The following INVS variants were observed in gnomAD, a reference collection of about 807,000 sequenced individuals.
The protein encoded by INVS is inversion of embryo turning homolog.
INVS carries 86 observed loss-of-function variants against 108.8 expected under a neutral mutation model. The observed-to-expected ratio is 0.79, with a 90% CI of 0.66 to 0.95. The LOEUF (loss-of-function observed/expected upper bound fraction) is 0.95, where lower values mean the gene tolerates loss of function less well. INVS is among the 40% of genes least tolerant of loss of function. INVS has a pLI of 0.00. For synonymous variants in INVS, 455 were observed against 473.5 expected, an observed-to-expected ratio of 0.96 and a Z score of 0.51; for missense variants, 1,169 against 1,297.4, an observed-to-expected ratio of 0.90 and a Z score of 1.52.
chr9:100,139,665 T>TA (rs1421351939), intron 3 of INVS, among the ~76,000 whole-genome samples: 1 of 152,058 alleles, frequency 6.6e-6, no homozygotes, highest in African/African-American at 2.4e-5. Flanking sequence ...TGGGGGGAGA[T>TA]AGAGTCTCAC....
chr9:100,183,093 G>T (rs1829945331), intron 3 of INVS, among the ~76,000 whole-genome samples: 1 of 152,106 alleles, frequency 6.6e-6, no homozygotes, highest in Non-Finnish European at 1.5e-5. Flanking sequence ...ATGGATACAG[G>T]GAGGGGAACA....
At chr9:100,178,528 G>T (rs1829784833) in intron 3 of INVS, among the ~76,000 whole-genome samples, 2 of 152,144 alleles carry the variant, frequency 1.3e-5, no homozygotes, top group African/African-American at 4.8e-5. Context: ...TCAAATCGAA[G>T]AAAGAATATC....
intron 1 of INVS, among the ~76,000 whole-genome samples, chr9:100,099,997 T>A (rs547328462): frequency 6.6e-6 from 1 of 152,318 alleles, no homozygotes; most frequent in South Asian, 2.1e-4. Context: ...CTCTGAGAAC[T>A]TCCCGAACAA....
chr9:100,243,871 C>T (rs1032925368), intron 7 of INVS, among the ~76,000 whole-genome samples: 1 of 151,910 alleles, frequency 6.6e-6, no homozygotes, highest in Non-Finnish European at 1.5e-5. Context: ...ATTAGCCGGG[C>T]GAAGTGGCTG....
At chr9:100,284,085 A>G (rs1319997879) in intron 12 of INVS, among the ~76,000 whole-genome samples, 1 of 152,164 alleles carries the variant, frequency 6.6e-6, no homozygotes, top group Non-Finnish European at 1.5e-5. Flanking sequence ...ATGTGTCTCA[A>G]CAGCACAAAG....
At chr9:100,120,126 C>T (rs2118874445) in intron 2 of INVS, among the ~76,000 whole-genome samples, 1 of 152,250 alleles carries the variant, frequency 6.6e-6, no homozygotes, top group African/African-American at 2.4e-5. Flanking sequence ...CATATGGGAG[C>T]CCTGTGTGGT....
chr9:100,100,786 T>TATTATA (rs1554712482), intron 1 of INVS, among the ~76,000 whole-genome samples: 1 of 4,324 alleles, frequency 2.3e-4, no homozygotes, highest in African/African-American at 2.4e-3. Flanking sequence ...ATAATATATA[T>TATTATA]TATATATATA....
At chr9:100,235,461 G>T (rs958423002) in intron 5 of INVS, among the ~76,000 whole-genome samples, 1 of 152,066 alleles carries the variant, frequency 6.6e-6, no homozygotes, top group African/African-American at 2.4e-5. Flanking sequence ...TCATAGTATG[G>T]TTGGTCTTTA....
chr9:100,100,682 T>TATATATATTATATATGTATATATA, intron 1 of INVS, among the ~76,000 whole-genome samples: 2 of 31,182 alleles, frequency 6.4e-5, no homozygotes, highest in Non-Finnish European at 9.5e-5. Context: ...GTACATATAA[T>TATATATATTATATATGTATATATA]ATATATATTA....
Position 100,284,510 on chromosome 9 carries a change from A to G in INVS, c.1975A>G (p.Arg659Gly), listed in dbSNP as rs1833374652. The G allele has an allele frequency of 3.1e-6, 5 of 1,613,996 alleles. No individual in the cohort carries two copies. The highest frequency in any genetic ancestry group is 1.3e-5 in the African/African-American group (1 of 74,938). Residue 659 changes from arginine to glycine, a missense_variant, in exon 13 of 17, where the codon AGA becomes GGA. Transcript: ENST00000262457. ...VAQGPEPRDS[R>G]GSPGGSLGGA... Reference sequence around the variant, plus strand: ...CCAAGGCCCTGAGCCAAGAGACAGCAGAGGATCTCCAGGAGGGTCTCTAGG... The same window carrying G: ...CCAAGGCCCTGAGCCAAGAGACAGCGGAGGATCTCCAGGAGGGTCTCTAGG...
intron 2 of INVS, among the ~76,000 whole-genome samples, chr9:100,109,383 CTAAAA>C (rs1827272304): frequency 6.6e-6 from 1 of 152,096 alleles, no homozygotes; most frequent in Non-Finnish European, 1.5e-5. Flanking sequence ...TCAGCTTAGA[CTAAAA>C]TAATCAAGTT....
chr9:100,125,137 C>CT (rs1827843871), intron 2 of INVS, among the ~76,000 whole-genome samples: 1 of 152,184 alleles, frequency 6.6e-6, no homozygotes, highest in Admixed American at 6.6e-5. Context: ...GAATTACTTC[C>CT]TCCAACTTTG....
intron 10 of INVS, among the ~76,000 whole-genome samples, chr9:100,254,637 C>G (rs1832354146): frequency 6.6e-6 from 1 of 152,146 alleles, no homozygotes; most frequent in Non-Finnish European, 1.5e-5. Flanking sequence ...CTACATGTGG[C>G]TAGCCAGTTT....
chr9:100,228,546 T>A (rs1831407708), intron 4 of INVS, among the ~76,000 whole-genome samples: 1 of 152,246 alleles, frequency 6.6e-6, no homozygotes, highest in Non-Finnish European at 1.5e-5. Flanking sequence ...GATAACCAGA[T>A]GTGCATTATC....
At chr9:100,235,019 A>G (rs1397292330) in intron 5 of INVS, among the ~76,000 whole-genome samples, 1 of 152,140 alleles carries the variant, frequency 6.6e-6, no homozygotes, top group Non-Finnish European at 1.5e-5. Context: ...GTAGGTCTCA[A>G]AGAACTTGCT....
In INVS at chr9:100,226,161, A is replaced by G; in HGVS notation, c.373A>G (p.Arg125Gly). 6.2e-7 allele frequency: 1 copy of G among 1,614,100 alleles called. No individual in the cohort carries two copies. Among genetic ancestry groups the G allele is most frequent in the South Asian group, 1.1e-5 (1 of 91,040 alleles). The change falls in exon 4 of 17, where the codon AGG becomes GGG. Residue 125 changes from arginine (R) to glycine (G), a missense_variant. Physicochemically the swap from Arg to Gly is moderately radical, Grantham distance 125 (BLOSUM62 -2). Around this residue, in one of 3 missense-constraint regions of INVS, gnomAD observed 365 missense variants for 397.5 expected, o/e 0.92. Coordinates refer to ENST00000262457, the MANE Select transcript of INVS (RefSeq NM_014425.5). ...TCCTTTGCACTTGACCACCCGGCAC[A>G]GGAGCCCTAAGTGTTTGGCACTTCT... Reference protein sequence around the residue: ...MTPLHLTTRHRSPKCLALLLK... With the variant: ...MTPLHLTTRHGSPKCLALLLK...
chr9:100,156,994 T>G (rs1406402729), intron 3 of INVS, among the ~76,000 whole-genome samples: 1 of 151,126 alleles, frequency 6.6e-6, no homozygotes, highest in South Asian at 2.1e-4. Context: ...TTGTTTATAA[T>G]GGCAAAATAC....
At chr9:100,277,199 C>T (rs1833139348) in intron 12 of INVS, among the ~76,000 whole-genome samples, 1 of 152,194 alleles carries the variant, frequency 6.6e-6, no homozygotes, top group South Asian at 2.1e-4. Context: ...CTTGAAGCTA[C>T]CCCTGGAAGC....
chr9:100,221,674 A>T (rs1215837258), intron 3 of INVS, among the ~76,000 whole-genome samples: 1 of 151,920 alleles, frequency 6.6e-6, no homozygotes, highest in Non-Finnish European at 1.5e-5. Flanking sequence ...GAATATAGAC[A>T]TCTTTCTCAG....
Sources: allele counts gnomAD v4.1 joint callset (sites outside exome capture counted in the v4.1 genomes callset), GRCh38; gene constraint gnomAD v4.1.1; regional missense constraint gnomAD v4.1.1; transcripts MANE v1.5; gene names NCBI Gene and HGNC (gene_info 2026-07-23, HGNC 2026-07-21).